Variants in DPYD observed in about 807,000 individuals in gnomAD.
DPYD encodes dihydropyrimidine dehydrogenase, also known as dihydropyrimidine dehydrogenase [NADP(+)].
A neutral mutation model predicts 116.2 loss-of-function variants in DPYD; 109 were observed. That is an observed-to-expected ratio of 0.94 (90% confidence interval 0.80 to 1.10). DPYD has a LOEUF of 1.10. Among genes scored for constraint, DPYD ranks in the 50% least tolerant of loss-of-function variants. DPYD has a pLI of 0.00. For synonymous variants in DPYD, 440 were observed against 432.0 expected (o/e 1.02, Z -0.23); for missense variants, 1,302 against 1,254.5 (o/e 1.04, Z -0.57).
chr1:97,343,954 C>A (rs966314210), intron 16 of DPYD, among the ~76,000 whole-genome samples: 2 of 151,890 alleles, frequency 1.3e-5, no homozygotes, highest in Admixed American at 6.6e-5. Flanking sequence ...TAAATAGTTT[C>A]ATGTGCTGTT....
At chr1:97,674,503 A>G (rs1450186188) in intron 8 of DPYD, among the ~76,000 whole-genome samples, 1 of 152,138 alleles carries the variant, frequency 6.6e-6, no homozygotes, top group Non-Finnish European at 1.5e-5. Flanking sequence ...ATCATGTTTT[A>G]TGAGGCTATG....
intron 2 of DPYD, among the ~76,000 whole-genome samples, chr1:97,874,705 T>C (rs1459668200): frequency 6.6e-6 from 1 of 151,822 alleles, no homozygotes; most frequent in Non-Finnish European, 1.5e-5. Flanking sequence ...TTTCAAAGAG[T>C]TTCCTTTTCA....
At chr1:97,102,459 T>TTATCTATCTGTCTATCTATC (rs1650788232) in intron 20 of DPYD, among the ~76,000 whole-genome samples, 1 of 125,094 alleles carries the variant, frequency 8.0e-6, no homozygotes, top group Admixed American at 9.0e-5. Context: ...CTGAAATCTA[T>TTATCTATCTGTCTATCTATC]TATCTATCTA....
intron 16 of DPYD, among the ~76,000 whole-genome samples, chr1:97,353,535 G>T (rs554019844): frequency 6.6e-6 from 1 of 151,870 alleles, no homozygotes; most frequent in Admixed American, 6.6e-5. Context: ...TAAGGCAGGG[G>T]TCATGTCAAA....
chr1:97,618,377 C>CT (rs71758165), intron 8 of DPYD, among the ~76,000 whole-genome samples: 1,687 of 136,316 alleles, frequency 0.012, 15 homozygotes, highest in African/African-American at 0.021. Flanking sequence ...GATTTTTTTT[C>CT]TTTTTTTTTT....
chr1:97,161,182 T>G (rs1257557290), intron 20 of DPYD, among the ~76,000 whole-genome samples: 1 of 152,146 alleles, frequency 6.6e-6, no homozygotes, highest in African/African-American at 2.4e-5. Context: ...CTCATACCAA[T>G]TAATTTCTTC....
At chr1:97,758,464 C>CAT (rs1482105818) in intron 3 of DPYD, among the ~76,000 whole-genome samples, 3 of 151,798 alleles carry the variant, frequency 2.0e-5, no homozygotes, top group Admixed American at 6.6e-5. Context: ...TCAATAAGAA[C>CAT]ATAGTTGAGG....
chr1:97,181,136 G>A (rs1183050150), intron 20 of DPYD, among the ~76,000 whole-genome samples: 1 of 152,094 alleles, frequency 6.6e-6, no homozygotes, highest in Non-Finnish European at 1.5e-5. Context: ...CACCTCTGCT[G>A]GGCTAGGCTT....
chr1:97,837,947 G>T (rs2101522533), intron 2 of DPYD, among the ~76,000 whole-genome samples: 1 of 152,092 alleles, frequency 6.6e-6, no homozygotes, highest in South Asian at 2.1e-4. Context: ...ATATCAAGTT[G>T]CTTATCATCT....
chr1:97,245,952 A>C (rs1317858500), intron 18 of DPYD, among the ~76,000 whole-genome samples: 1 of 152,112 alleles, frequency 6.6e-6, no homozygotes, highest in Non-Finnish European at 1.5e-5. Flanking sequence ...CTCTGTGATA[A>C]GGCTGTGTCC....
intron 13 of DPYD, among the ~76,000 whole-genome samples, chr1:97,470,268 C>T (rs1198923678): frequency 6.6e-6 from 1 of 151,818 alleles, no homozygotes. Flanking sequence ...GACAAGTAAA[C>T]AGCCTCTTTC....
At chr1:97,547,016 T>C (rs1474853045) in intron 12 of DPYD, 2 of 1,498,994 alleles carry the variant, frequency 1.3e-6, no homozygotes, top group Non-Finnish European at 1.9e-6. Context: ...TTTTTTGCTG[T>C]TTTGGAAGTT....
At chr1:97,577,304 C>T (rs1347695133) in intron 10 of DPYD, among the ~76,000 whole-genome samples, 3 of 152,164 alleles carry the variant, frequency 2.0e-5, no homozygotes, top group East Asian at 3.9e-4. Context: ...ATCACCACAT[C>T]CCTATGAAAC....
intron 16 of DPYD, among the ~76,000 whole-genome samples, chr1:97,319,495 A>C (rs1159797404): frequency 7.4e-6 from 1 of 134,548 alleles, no homozygotes; most frequent in East Asian, 2.3e-4. Flanking sequence ...AAATGGATAC[A>C]TTCCTCGACA....
intron 3 of DPYD, among the ~76,000 whole-genome samples, chr1:97,764,158 A>G (rs1467045516): frequency 6.6e-6 from 1 of 152,074 alleles, no homozygotes; most frequent in African/African-American, 2.4e-5. Context: ...AGGGGTAAAT[A>G]TAAAACAAAA....
intron 14 of DPYD, among the ~76,000 whole-genome samples, chr1:97,423,705 A>C (rs775886131): frequency 2.6e-5 from 4 of 152,100 alleles, no homozygotes; most frequent in Non-Finnish European, 5.9e-5. Context: ...ATGCATTCAG[A>C]CAATTGAATC....
chr1:97,887,194 G>A (rs1337701085), intron 1 of DPYD, among the ~76,000 whole-genome samples: 1 of 151,912 alleles, frequency 6.6e-6, no homozygotes, highest in Non-Finnish European at 1.5e-5. Flanking sequence ...GTATATCCAG[G>A]CCAGGCATAA....
intron 20 of DPYD, among the ~76,000 whole-genome samples, chr1:97,165,641 C>T (rs568567118): frequency 2.6e-5 from 4 of 152,098 alleles, no homozygotes; most frequent in Non-Finnish European, 5.9e-5. Context: ...AGAAAACCTA[C>T]AGAATGGGAG....
At chr1:97,384,590 A>T (rs924872124) in intron 14 of DPYD, among the ~76,000 whole-genome samples, 4 of 152,170 alleles carry the variant, frequency 2.6e-5, no homozygotes, top group Non-Finnish European at 5.9e-5. Context: ...AAGTTAGAGA[A>T]GTGAAAAATA....
Sources: allele counts gnomAD v4.1 joint callset (sites outside exome capture counted in the v4.1 genomes callset), GRCh38; gene constraint gnomAD v4.1.1; transcripts MANE v1.5; gene names NCBI Gene and HGNC (gene_info 2026-07-23, HGNC 2026-07-21).